DLG2: variants seen among roughly 807,000 people sequenced by gnomAD.
DLG2 encodes disks large homolog 2.
A neutral mutation model predicts 132.5 loss-of-function variants in DLG2; 45 were observed. The ratio of observed to expected loss-of-function variants is 0.34; its 90% CI spans 0.27 to 0.44. The LOEUF is 0.44. Among genes scored for constraint, DLG2 ranks in the 20% least tolerant of loss-of-function variants. DLG2 has a pLI of 1.00. For missense variants in DLG2, 1,045 were observed against 1,196.9 expected (o/e 0.87, Z 1.87); for synonymous variants, 424 against 419.6 (o/e 1.01, Z -0.13).
chr11:84,743,655 A>G (rs2064979321), intron 6 of DLG2, among the ~76,000 whole-genome samples: 2 of 152,180 alleles, frequency 1.3e-5, no homozygotes, highest in Admixed American at 1.3e-4. Flanking sequence ...GGAAGGAGAA[A>G]TAATTTGCTA....
In DLG2 at chr11:84,330,130, T is replaced by C. The variant is rs920976822; in HGVS notation, c.520-78839A>G. ...CTATTTATGCATTTACCTGTCTGTC[T>C]ATTGTCATCCCTCTCCCTATTTCCA... On this transcript the variant is annotated intron_variant, in intron 7 of 27. Coordinates refer to ENST00000376104, the MANE Select transcript of DLG2 (RefSeq NM_001142699.3). Among the ~76,000 whole-genome samples the C allele has an allele frequency of 2.0e-5, 3 of 152,254 alleles. 1 individual carries two copies. Among genetic ancestry groups the C allele is most frequent in the Admixed American group, 2.0e-4 (3 of 15,290 alleles).
At chr11:85,272,278 A>T (rs367600509) in intron 4 of DLG2, among the ~76,000 whole-genome samples, 9 of 152,260 alleles carry the variant, frequency 5.9e-5, no homozygotes, top group African/African-American at 2.2e-4. Context: ...GCCATGTGGA[A>T]CTGTGAGTTC....
At chr11:85,426,455 C>G (rs1480360169) in intron 3 of DLG2, among the ~76,000 whole-genome samples, 1 of 152,152 alleles carries the variant, frequency 6.6e-6, no homozygotes, top group Non-Finnish European at 1.5e-5. Context: ...CAGGCAGCAA[C>G]ATCTGCTGTT....
At chr11:84,227,947 G>T (rs1323673894) in intron 8 of DLG2, among the ~76,000 whole-genome samples, 1 of 151,128 alleles carries the variant, frequency 6.6e-6, no homozygotes, top group Non-Finnish European at 1.5e-5. Flanking sequence ...TGTTGACTGA[G>T]TAAATTATAT....
intron 19 of DLG2, among the ~76,000 whole-genome samples, chr11:83,578,075 T>TACACACACACACAC (rs148521282): frequency 2.4e-4 from 33 of 135,104 alleles, no homozygotes; most frequent in Non-Finnish European, 2.3e-4. Context: ...TATATATGTA[T>TACACACACACACAC]ACACACACAC....
At chr11:84,446,250 T>C (rs994575615) in intron 7 of DLG2, among the ~76,000 whole-genome samples, 5 of 152,138 alleles carry the variant, frequency 3.3e-5, no homozygotes, top group Non-Finnish European at 7.3e-5. Flanking sequence ...TTTAAATCTA[T>C]CATGTTCTGT....
intron 19 of DLG2, among the ~76,000 whole-genome samples, chr11:83,559,152 G>A (rs913018020): frequency 6.6e-6 from 1 of 152,048 alleles, no homozygotes; most frequent in Non-Finnish European, 1.5e-5. Context: ...AAGCATTAGA[G>A]GTTGAGGAAA....
At chr11:84,457,072 G>A (rs2099067352) in intron 7 of DLG2, among the ~76,000 whole-genome samples, 1 of 151,216 alleles carries the variant, frequency 6.6e-6, no homozygotes. Flanking sequence ...ATTTAACTAA[G>A]TGGGCAATAA....
chr11:84,463,005 C>T (rs1226116789), intron 7 of DLG2, among the ~76,000 whole-genome samples: 1 of 151,018 alleles, frequency 6.6e-6, no homozygotes, highest in Non-Finnish European at 1.5e-5. Flanking sequence ...TATATAAAAT[C>T]CAATTCTATT....
intron 18 of DLG2, chr11:83,725,186 T>C (rs2089762117): frequency 2.7e-6 from 1 of 370,914 alleles, no homozygotes; most frequent in African/African-American, 2.0e-5. Context: ...TTCTTTCTCT[T>C]CTCAGTTAAA....
At chr11:84,853,015 A>G (rs563587105) in intron 6 of DLG2, among the ~76,000 whole-genome samples, 1 of 152,148 alleles carries the variant, frequency 6.6e-6, no homozygotes, top group South Asian at 2.1e-4. Flanking sequence ...TGCACCTACT[A>G]TGTTCCAGGT....
At chr11:84,187,127 A>G (rs2096290869) in intron 8 of DLG2, among the ~76,000 whole-genome samples, 1 of 149,688 alleles carries the variant, frequency 6.7e-6, no homozygotes, top group Non-Finnish European at 1.5e-5. Flanking sequence ...ATATAAATAT[A>G]TAAGTAAAGT....
intron 6 of DLG2, among the ~76,000 whole-genome samples, chr11:84,621,230 A>G (rs2099613349): frequency 6.6e-6 from 1 of 152,170 alleles, no homozygotes; most frequent in Admixed American, 6.5e-5. Flanking sequence ...TTTAGTTATT[A>G]AATATAACAG....
At chr11:83,538,055 T>C (rs1425694219) in intron 20 of DLG2, among the ~76,000 whole-genome samples, 1 of 152,122 alleles carries the variant, frequency 6.6e-6, no homozygotes, top group African/African-American at 2.4e-5. Context: ...AGCGCAGACT[T>C]CAAAAATTTA....
At chr11:84,982,193 A>G (rs574333250) in intron 6 of DLG2, among the ~76,000 whole-genome samples, 1 of 148,168 alleles carries the variant, frequency 6.7e-6, no homozygotes, top group African/African-American at 2.5e-5. Flanking sequence ...ATAAATCTAT[A>G]TAATTCTAAT....
chr11:85,376,383 A>G (rs1428153485), intron 3 of DLG2, among the ~76,000 whole-genome samples: 1 of 152,146 alleles, frequency 6.6e-6, no homozygotes, highest in Non-Finnish European at 1.5e-5. Flanking sequence ...AGGTCAAGAA[A>G]CTGAGGCTGA....
In DLG2 at chr11:84,994,892, T is replaced by C. The variant is rs200087654; in HGVS notation, c.357+116769A>G. Among the ~76,000 whole-genome samples the C allele has an allele frequency of 2.6e-5, 4 of 152,302 alleles. No homozygotes were observed. In the East Asian group the frequency reaches 5.8e-4, roughly 22 times the overall value. ...TCTCATGATATCACTGGAGACATCA[T>C]TGATGAAAAAATTCTTAAGGAACTT... On this transcript the variant is annotated intron_variant, in intron 6 of 27. Coordinates refer to ENST00000376104, the MANE Select transcript of DLG2 (RefSeq NM_001142699.3).
intron 3 of DLG2, among the ~76,000 whole-genome samples, chr11:85,292,632 G>GGAAA: frequency 4.9e-5 from 1 of 20,306 alleles, no homozygotes; most frequent in Non-Finnish European, 1.2e-4. Flanking sequence ...ACCGAAGGAA[G>GGAAA]GAAGGAAGGA....
intron 4 of DLG2, among the ~76,000 whole-genome samples, chr11:85,235,649 T>C (rs1447036844): frequency 6.6e-6 from 1 of 151,920 alleles, no homozygotes; most frequent in Non-Finnish European, 1.5e-5. Flanking sequence ...AAAGAGTATG[T>C]TCAGAAAACA....
Sources: gnomAD v4.1 joint callset for allele counts (sites outside exome capture counted in the v4.1 genomes callset) on GRCh38, gnomAD v4.1.1 for gene constraint, MANE v1.5 for transcripts, NCBI Gene and HGNC (gene_info 2026-07-23, HGNC 2026-07-21) for gene names.